The following ROBO1 variants were observed in gnomAD, a reference collection of about 807,000 sequenced individuals.
ROBO1 encodes roundabout guidance receptor 1, also known as roundabout homolog 1.
A neutral mutation model predicts 195.9 loss-of-function variants in ROBO1; 149 were observed. The observed-to-expected ratio is 0.76, with a 90% CI of 0.67 to 0.87. The LOEUF (loss-of-function observed/expected upper bound fraction) is 0.87. Ranked by LOEUF, ROBO1 falls within the 40% of genes least tolerant of loss-of-function variation. The probability of loss-of-function intolerance (pLI) is 0.00; values close to 1 mark genes in which losing one functional copy is unlikely to be tolerated. For missense variants in ROBO1, 1,933 were observed against 2,068.3 expected (o/e 0.93, Z 1.27); for synonymous variants, 816 against 733.2 (o/e 1.11, Z -1.82).
intron 2 of ROBO1, among the ~76,000 whole-genome samples, chr3:79,529,880 T>C (rs1018919222): frequency 6.6e-6 from 1 of 152,192 alleles, no homozygotes; most frequent in Admixed American, 6.5e-5. Context: ...TAAATAAATG[T>C]ATTAAAATAT....
chr3:79,356,631 CAT>C, intron 2 of ROBO1, among the ~76,000 whole-genome samples: 1 of 152,150 alleles, frequency 6.6e-6, no homozygotes, highest in Non-Finnish European at 1.5e-5. Flanking sequence ...AGACAAGACT[CAT>C]AAGGTAACAA....
At chr3:79,376,908 AGGT>A in intron 2 of ROBO1, among the ~76,000 whole-genome samples, 1 of 152,318 alleles carries the variant, frequency 6.6e-6, no homozygotes, top group Non-Finnish European at 1.5e-5. Flanking sequence ...ACAAGATGTA[AGGT>A]TTCTTCTCCT....
intron 1 of ROBO1, among the ~76,000 whole-genome samples, chr3:79,694,250 A>C (rs537650508): frequency 2.0e-5 from 3 of 151,982 alleles, no homozygotes; most frequent in East Asian, 1.9e-4. Flanking sequence ...TGACAGTAGA[A>C]TGTCTAATCA....
rs1477523368 is a variant in ROBO1, at chr3:78,948,135, T to A, written c.173-9208A>T. Reference sequence around the variant, plus strand: ...ACCATTCCTTCTTAAACTATTCCAATCAATAGAAAAAGAGGGAATCCTCCC... The same window carrying A: ...ACCATTCCTTCTTAAACTATTCCAAACAATAGAAAAAGAGGGAATCCTCCC... On this transcript the variant is annotated intron_variant, in intron 3 of 30. Coordinates refer to ENST00000464233, the MANE Select transcript of ROBO1 (RefSeq NM_002941.4). 5.3e-5 allele frequency among the ~76,000 whole-genome samples: 8 copies of A among 152,162 alleles called. No homozygotes were observed. The East Asian group carries it at 1.5e-3, about 29-fold the overall frequency.
At chr3:79,308,521 C>A (rs573844512) in intron 2 of ROBO1, among the ~76,000 whole-genome samples, 1 of 151,950 alleles carries the variant, frequency 6.6e-6, no homozygotes, top group African/African-American at 2.4e-5. Flanking sequence ...TAGTACTATG[C>A]GAATTAGTGT....
At position 78,966,687 on chromosome 3, in the gene ROBO1, C is replaced by T. The variant is rs1345303696; in HGVS notation, c.173-27760G>A. 2.0e-5 allele frequency among the ~76,000 whole-genome samples: 3 copies of T among 152,244 alleles called. No homozygotes were observed. The East Asian group carries it at 5.8e-4, about 29-fold the overall frequency. ...ATTGCTTTAATTTAAATACAATTGGCACCTCTTAATCAACATTTCTTATAG... is the reference window on the plus strand; with the variant it reads ...ATTGCTTTAATTTAAATACAATTGGTACCTCTTAATCAACATTTCTTATAG... On this transcript the variant is annotated intron_variant, in intron 3 of 30. Transcript: ENST00000464233.
At chr3:79,739,092 G>C (rs1703512188) in intron 1 of ROBO1, among the ~76,000 whole-genome samples, 1 of 152,246 alleles carries the variant, frequency 6.6e-6, no homozygotes, top group East Asian at 1.9e-4. Flanking sequence ...ATGCATATAG[G>C]TTTATGTTTG....
intron 2 of ROBO1, among the ~76,000 whole-genome samples, chr3:79,199,969 G>A (rs1035566667): frequency 4.6e-5 from 7 of 151,640 alleles, no homozygotes; most frequent in African/African-American, 1.5e-4. Context: ...CTGACTATAA[G>A]GATGGAACAG....
At chr3:78,689,987 T>C (rs1236026845) in intron 8 of ROBO1, among the ~76,000 whole-genome samples, 3 of 148,372 alleles carry the variant, frequency 2.0e-5, no homozygotes, top group Non-Finnish European at 4.5e-5. Flanking sequence ...TATACATATA[T>C]ATGTAAAATA....
At chr3:79,396,720 G>A (rs1358116523) in intron 2 of ROBO1, among the ~76,000 whole-genome samples, 4 of 152,040 alleles carry the variant, frequency 2.6e-5, no homozygotes, top group Non-Finnish European at 5.9e-5. Flanking sequence ...TGTAAAATGA[G>A]TCAAAAGTTT....
chr3:78,849,114 G>C (rs890079210), intron 4 of ROBO1, among the ~76,000 whole-genome samples: 11 of 152,108 alleles, frequency 7.2e-5, no homozygotes, highest in Admixed American at 1.3e-4. Context: ...TACTGATCTG[G>C]GGAATTCCGT....
At chr3:79,251,162 T>A (rs955176284) in intron 2 of ROBO1, among the ~76,000 whole-genome samples, 1 of 152,206 alleles carries the variant, frequency 6.6e-6, no homozygotes, top group Non-Finnish European at 1.5e-5. Context: ...TATATGTATA[T>A]AATTACCCAA....
chr3:79,334,052 T>TC (rs960997363), intron 2 of ROBO1, among the ~76,000 whole-genome samples: 2 of 152,034 alleles, frequency 1.3e-5, no homozygotes, highest in African/African-American at 4.8e-5. Flanking sequence ...ACGCCTGTAA[T>TC]CCCAGCACTT....
chr3:78,845,828 G>A (rs1335324378), intron 4 of ROBO1, among the ~76,000 whole-genome samples: 3 of 152,218 alleles, frequency 2.0e-5, no homozygotes, highest in South Asian at 2.1e-4. Flanking sequence ...GGTAATACAC[G>A]TGATTATGAA....
chr3:79,665,383 C>T (rs77806552), intron 1 of ROBO1, among the ~76,000 whole-genome samples: 3,363 of 151,820 alleles, frequency 0.022, 125 homozygotes, highest in African/African-American at 0.078. Flanking sequence ...GTTTTATTCT[C>T]ACAATATCTG....
intron 30 of ROBO1, among the ~76,000 whole-genome samples, chr3:78,599,474 C>A (rs555366260): frequency 2.0e-5 from 3 of 152,006 alleles, no homozygotes; most frequent in Non-Finnish European, 2.9e-5. Flanking sequence ...TCATTTGACA[C>A]GTATTTATCT....
intron 1 of ROBO1, among the ~76,000 whole-genome samples, chr3:79,649,031 G>T (rs1267092844): frequency 1.3e-5 from 2 of 151,954 alleles, no homozygotes; most frequent in East Asian, 3.9e-4. Context: ...GTAAGAATTT[G>T]GTTATCAACT....
intron 2 of ROBO1, among the ~76,000 whole-genome samples, chr3:79,187,345 T>C (rs964127260): frequency 6.6e-6 from 1 of 152,022 alleles, no homozygotes. Flanking sequence ...GAGTCTGCCA[T>C]CATCTCTCTC....
intron 29 of ROBO1, among the ~76,000 whole-genome samples, chr3:78,605,465 A>C (rs1703412571): frequency 6.6e-6 from 1 of 152,230 alleles, no homozygotes; most frequent in South Asian, 2.1e-4. Flanking sequence ...AACAGAAGTA[A>C]GCAAATGGCT....
Sources: gnomAD v4.1 joint callset for allele counts (sites outside exome capture counted in the v4.1 genomes callset) on GRCh38, gnomAD v4.1.1 for gene constraint, MANE v1.5 for transcripts, NCBI Gene and HGNC (gene_info 2026-07-23, HGNC 2026-07-21) for gene names.